The following GLRB variants were observed in gnomAD, a reference collection of about 807,000 sequenced individuals.
The protein encoded by GLRB is glycine receptor beta, also known as glycine receptor subunit beta.
GLRB carries 33 observed loss-of-function variants against 54.2 expected under a neutral mutation model. That is an observed-to-expected ratio of 0.61 (90% CI 0.46 to 0.81). GLRB has a LOEUF of 0.81. Ranked by LOEUF, GLRB falls within the 40% of genes least tolerant of loss-of-function variation. The probability of loss-of-function intolerance (pLI) is 0.00; values close to 1 mark genes in which losing one functional copy is unlikely to be tolerated. For missense variants in GLRB, 572 were observed against 584.6 expected (o/e 0.98, Z 0.22); for synonymous variants, 209 against 208.2 (o/e 1.00, Z -0.03).
intron 7 of GLRB, among the ~76,000 whole-genome samples, chr4:157,143,070 T>C (rs1427742018): frequency 1.3e-5 from 2 of 152,136 alleles, no homozygotes; most frequent in African/African-American, 4.8e-5. Flanking sequence ...CTAGTTGATG[T>C]CATGGCCACT....
intron 4 of GLRB, among the ~76,000 whole-genome samples, chr4:157,125,433 C>T (rs1025303517): frequency 7.9e-5 from 12 of 151,768 alleles, no homozygotes; most frequent in African/African-American, 2.7e-4. Context: ...ATTAAAACAA[C>T]GGTATTTTGA....
intron 2 of GLRB, among the ~76,000 whole-genome samples, chr4:157,109,205 A>G (rs767995645): frequency 2.6e-5 from 4 of 151,848 alleles, no homozygotes; most frequent in Non-Finnish European, 5.9e-5. Flanking sequence ...TGTATTTCCT[A>G]TTGGTTCTGT....
At chr4:157,120,794 C>A in intron 3 of GLRB, 132 bp downstream of exon 3, 1 of 520,802 alleles carries the variant, frequency 1.9e-6, no homozygotes, top group Non-Finnish European at 3.6e-6. Flanking sequence ...TGATATATAA[C>A]AAAAATGTCC....
intron 4 of GLRB, among the ~76,000 whole-genome samples, chr4:157,133,671 G>A (rs1005214784): frequency 5.3e-5 from 8 of 151,906 alleles, no homozygotes; most frequent in Admixed American, 1.3e-4. Flanking sequence ...GATTTAGATG[G>A]AATTTAAATA....
chr4:157,162,263 G>T (rs1737527889), intron 9 of GLRB, among the ~76,000 whole-genome samples: 1 of 152,062 alleles, frequency 6.6e-6, no homozygotes, highest in African/African-American at 2.4e-5. Flanking sequence ...TAGTTTCTTT[G>T]CAATGGGTTT....
chr4:157,148,686 A>G (rs1270273212), intron 8 of GLRB, among the ~76,000 whole-genome samples: 4 of 152,148 alleles, frequency 2.6e-5, no homozygotes, highest in Admixed American at 6.5e-5. Context: ...ACTTAATTCC[A>G]TCTTTGTCAG....
intron 2 of GLRB, among the ~76,000 whole-genome samples, chr4:157,114,753 G>A (rs1735545900): frequency 6.6e-6 from 1 of 151,776 alleles, no homozygotes; most frequent in Non-Finnish European, 1.5e-5. Flanking sequence ...TATCGGATGT[G>A]TTTCCCATGA....
intron 1 of GLRB, 122 bp from the exon 2 acceptor site, chr4:157,077,874 T>C: frequency 1.6e-6 from 1 of 621,814 alleles, no homozygotes; most frequent in Admixed American, 2.8e-5. Context: ...GACTGAGCAA[T>C]GAGGATTTGA....
In GLRB at chr4:157,170,814, A is replaced by G; in HGVS notation, c.*86A>G. 1.4e-6 allele frequency: 1 copy of G among 739,052 alleles called. No individual in the cohort carries two copies. The highest frequency in any genetic ancestry group is 2.7e-5 in the East Asian group (1 of 37,048). The allele number at this position is 739,052 out of a possible 1,614,324, so 45.8% of individuals were successfully genotyped here. ...AATGCCAATCTGTGAGAACTTTTGA[A>G]TTTTCATAGCAACATTGCATTTTGG... On this transcript the variant is annotated 3_prime_UTR_variant, in exon 10 of 10. Transcript: ENST00000264428.
chr4:157,081,668 C>T (rs1036116483), intron 2 of GLRB, among the ~76,000 whole-genome samples: 1 of 152,180 alleles, frequency 6.6e-6, no homozygotes, highest in African/African-American at 2.4e-5. Context: ...CGTTTTCATT[C>T]CCATGTGGGA....
rs1447339319 is a variant in GLRB, at chr4:157,078,000, ATCT to A, written c.-21_-19del. 1 of 1,590,320 alleles carries A rather than the reference ATCT, an allele frequency of 6.3e-7. No homozygotes were observed. Among genetic ancestry groups the A allele is most frequent in the South Asian group, 1.1e-5 (1 of 90,396 alleles). ...TTTTCTTGTTCTCTCTTGTAGATCG[ATCT>A]TCTGAAATTCAAGTTTTCAAGATGA... On this transcript the variant is annotated 5_prime_UTR_variant, in exon 2 of 10. Transcript: ENST00000264428.
At chr4:157,112,289 A>C (rs964177626) in intron 2 of GLRB, among the ~76,000 whole-genome samples, 5 of 151,784 alleles carry the variant, frequency 3.3e-5, no homozygotes, top group South Asian at 2.1e-4. Context: ...AAACAAATTT[A>C]TCTAAACTCA....
At chr4:157,146,826 T>TC (rs754214688) in intron 8 of GLRB, among the ~76,000 whole-genome samples, 12 of 142,684 alleles carry the variant, frequency 8.4e-5, no homozygotes, top group South Asian at 6.7e-4. Flanking sequence ...ATCCCCCACC[T>TC]CCCCCCGCAA....
rs1734018213 is a variant in GLRB, at chr4:157,076,180, G to A, written c.-147G>A. 2 of 149,720 alleles carry A rather than the reference G, an allele frequency of 1.3e-5. No homozygotes were observed. Among genetic ancestry groups the A allele is most frequent in the Admixed American group, 6.6e-5 (1 of 15,042 alleles). 9.3% of individuals were successfully genotyped at this position (149,720 alleles called of 1,614,324 possible). A position where few individuals can be genotyped will look rare whatever the true frequency, so the allele number is the denominator to read the frequency against. On this transcript the variant is annotated 5_prime_UTR_variant, in exon 1 of 10. Coordinates refer to ENST00000264428, the MANE Select transcript of GLRB (RefSeq NM_000824.5). ...CGTCAGCCGAGCTCGGCGGTGGCGC[G>A]GGCGGCTGGGACGCAGCTGCCCCCG... is the stretch of plus-strand genomic sequence containing the variant.
Position 157,120,239 on chromosome 4 carries a change from G to T in GLRB, c.123-317G>T, listed in dbSNP as rs532305268. 1.4e-4 allele frequency among the ~76,000 whole-genome samples: 16 copies of T among 112,564 alleles called. No homozygotes were observed. In the South Asian group the frequency reaches 3.7e-3, roughly 26 times the overall value. 73.8% of individuals were successfully genotyped at this position (112,564 alleles called of 152,430 possible). On this transcript the variant is annotated intron_variant, in intron 2 of 9. Transcript: ENST00000264428. ...CACATTCTGGGGACTGTTGTGGGGT[G>T]GGGGGAGGGGGGTGGGATAGCTTTA...
At chr4:157,081,672 T>C (rs897544794) in intron 2 of GLRB, among the ~76,000 whole-genome samples, 1 of 152,216 alleles carries the variant, frequency 6.6e-6, no homozygotes, top group African/African-American at 2.4e-5. Flanking sequence ...TTCATTCCCA[T>C]GTGGGACATT....
chr4:157,142,797 AT>A (rs919899224), intron 7 of GLRB, among the ~76,000 whole-genome samples: 1 of 152,146 alleles, frequency 6.6e-6, no homozygotes, highest in African/African-American at 2.4e-5. Context: ...GATTATAGAT[AT>A]TTTATTTTGC....
intron 8 of GLRB, among the ~76,000 whole-genome samples, chr4:157,151,173 A>C (rs1257837058): frequency 6.6e-6 from 1 of 152,134 alleles, no homozygotes; most frequent in East Asian, 1.9e-4. Flanking sequence ...TACTATGGAA[A>C]CAGAGAGGAT....
At chr4:157,092,227 A>G (rs1308977525) in intron 2 of GLRB, among the ~76,000 whole-genome samples, 1 of 152,170 alleles carries the variant, frequency 6.6e-6, no homozygotes, top group African/African-American at 2.4e-5. Flanking sequence ...TTTTGAGTAA[A>G]AAGAGATAGG....
Sources: allele counts gnomAD v4.1 joint callset (sites outside exome capture counted in the v4.1 genomes callset), GRCh38; gene constraint gnomAD v4.1.1; transcripts MANE v1.5; gene names NCBI Gene and HGNC (gene_info 2026-07-23, HGNC 2026-07-21).